The following CRTAC1 variants were observed in gnomAD, a reference collection of about 807,000 sequenced individuals.
The protein encoded by CRTAC1 is acidic secreted protein in cartilage.
In CRTAC1, 37 loss-of-function variants were observed where a neutral mutation model predicts 67.8. The ratio of observed to expected loss-of-function variants is 0.55; its 90% confidence interval spans 0.42 to 0.72. The LOEUF is 0.72. Ranked by LOEUF, CRTAC1 falls within the 30% of genes least tolerant of loss-of-function variation. CRTAC1 has a pLI of 0.00. For missense variants in CRTAC1, 780 were observed against 931.6 expected, an observed-to-expected ratio of 0.84 and a Z score of 2.12; for synonymous variants, 348 against 371.0, an observed-to-expected ratio of 0.94 and a Z score of 0.71.
At chr10:97,995,784 C>T (rs555048377) in intron 2 of CRTAC1, among the ~76,000 whole-genome samples, 16 of 152,160 alleles carry the variant, frequency 1.1e-4, no homozygotes, top group South Asian at 4.2e-4. Context: ...TACATTAAGC[C>T]GGGACACTTG....
chr10:97,996,145 G>A (rs1351012210), intron 2 of CRTAC1, among the ~76,000 whole-genome samples: 1 of 151,580 alleles, frequency 6.6e-6, no homozygotes, highest in Non-Finnish European at 1.5e-5. Context: ...AGAAAACCTA[G>A]GCATTACCAT....
intron 3 of CRTAC1, among the ~76,000 whole-genome samples, chr10:97,927,939 T>TAA (rs1413436680): frequency 6.6e-6 from 1 of 152,200 alleles, no homozygotes; most frequent in Non-Finnish European, 1.5e-5. Flanking sequence ...TGTAGCTGCA[T>TAA]AAAAGCTGCA....
At chr10:97,942,689 A>G (rs1198000435) in intron 2 of CRTAC1, among the ~76,000 whole-genome samples, 2 of 152,134 alleles carry the variant, frequency 1.3e-5, no homozygotes, top group Non-Finnish European at 2.9e-5. Flanking sequence ...TTTAGATTTG[A>G]AAGATACAGA....
intron 8 of CRTAC1, among the ~76,000 whole-genome samples, chr10:97,900,136 C>T (rs771501808): frequency 6.6e-5 from 10 of 152,210 alleles, no homozygotes; most frequent in East Asian, 5.8e-4. Flanking sequence ...GGTCTCTGGA[C>T]GTCCCCTTGG....
intron 1 of CRTAC1, among the ~76,000 whole-genome samples, chr10:98,028,057 G>T (rs1450440980): frequency 6.6e-6 from 1 of 152,220 alleles, no homozygotes; most frequent in Admixed American, 6.5e-5. Flanking sequence ...CTAATGTTCT[G>T]GAACTCCATG....
At position 97,884,219 on chromosome 10, in the gene CRTAC1, G is replaced by C. The variant is rs779755758; in HGVS notation, c.1619C>G (p.Pro540Arg). 4 of 1,568,946 alleles carry C rather than the reference G, an allele frequency of 2.5e-6. No individual in the cohort carries two copies. The highest frequency in any genetic ancestry group is 3.7e-5 in the Admixed American group (2 of 54,694). ...GCCTTTGCCCACCTCCAGTGGGGCT[G>C]GGTCCTGAAGTGTGTCCTCATCCCG... ...YPRDEDTLQD[P>R]APLECGQGFS... Residue 540 changes from proline (P) to arginine (R), a missense_variant, in exon 12 of 15, where the codon CCA becomes CGA. By Grantham distance (103) the Pro-to-Arg change is moderately radical. Transcript: ENST00000370597.
intron 2 of CRTAC1, among the ~76,000 whole-genome samples, chr10:97,971,932 A>G (rs535462546): frequency 1.3e-5 from 2 of 152,300 alleles, no homozygotes; most frequent in East Asian, 1.9e-4. Flanking sequence ...GGAGCTGGAC[A>G]TGGCGTGTCC....
chr10:97,889,904 G>A (rs1174960057), intron 11 of CRTAC1, among the ~76,000 whole-genome samples: 1 of 152,128 alleles, frequency 6.6e-6, no homozygotes, highest in South Asian at 2.1e-4. Flanking sequence ...GCCTTTCTCA[G>A]ATTCATGTTG....
At chr10:97,885,038 T>G (rs2050261845) in intron 11 of CRTAC1, among the ~76,000 whole-genome samples, 1 of 152,192 alleles carries the variant, frequency 6.6e-6, no homozygotes, top group Non-Finnish European at 1.5e-5. Context: ...GAGTTCCCAG[T>G]CCAGTTGGGG....
chr10:97,929,446 G>A (rs1590216333), intron 3 of CRTAC1, among the ~76,000 whole-genome samples: 1 of 152,192 alleles, frequency 6.6e-6, no homozygotes, highest in Non-Finnish European at 1.5e-5. Context: ...CTCCTCCCCA[G>A]GAGGCTTTCC....
chr10:97,966,998 C>A (rs949282546), intron 2 of CRTAC1, among the ~76,000 whole-genome samples: 5 of 149,786 alleles, frequency 3.3e-5, no homozygotes, highest in Admixed American at 6.7e-5. Flanking sequence ...AAGTCACCCC[C>A]CCCCCCCCGA....
At chr10:98,018,680 G>A (rs1389908441) in intron 1 of CRTAC1, among the ~76,000 whole-genome samples, 2 of 152,148 alleles carry the variant, frequency 1.3e-5, no homozygotes, top group Admixed American at 6.5e-5. Context: ...ATTATGGAAA[G>A]AGCCAAGGTC....
chr10:98,029,833 G>A lies in CRTAC1; in HGVS notation c.24+616C>T, dbSNP rs573976564. On this transcript the variant is annotated intron_variant, in intron 1 of 14. Transcript: ENST00000370597. The surrounding 1 kb of genome is among the most constrained non-coding windows in gnomAD (Gnocchi z 4.7). ...AATGCCTGAAGCCGGCTTGCCTCAG[G>A]CAGCCTGAAGGGAAGACCACACCTC... 1.3e-3 allele frequency among the ~76,000 whole-genome samples: 202 copies of A among 152,322 alleles called. 4 individuals carry two copies. The highest frequency in any genetic ancestry group is 4.5e-3 in the African/African-American group (189 of 41,584).
intron 2 of CRTAC1, among the ~76,000 whole-genome samples, chr10:98,003,997 T>G (rs1246934816): frequency 6.6e-6 from 1 of 152,190 alleles, no homozygotes. Context: ...TAGGTAACCT[T>G]TTTTAGAAAA....
At chr10:97,913,319 G>A (rs1479721716) in intron 5 of CRTAC1, among the ~76,000 whole-genome samples, 2 of 152,092 alleles carry the variant, frequency 1.3e-5, no homozygotes, top group East Asian at 3.9e-4. Context: ...ACTGTGTGGC[G>A]GGTATTAGAC....
At chr10:97,996,986 C>CA (rs1842587354) in intron 2 of CRTAC1, among the ~76,000 whole-genome samples, 1 of 146,056 alleles carries the variant, frequency 6.8e-6, no homozygotes, top group Non-Finnish European at 1.5e-5. Context: ...ATCGCAAGGA[C>CA]AAAAAACCAA....
intron 1 of CRTAC1, among the ~76,000 whole-genome samples, chr10:98,026,273 G>A (rs1398305616): frequency 2.0e-5 from 3 of 152,150 alleles, no homozygotes; most frequent in East Asian, 3.9e-4. Flanking sequence ...GCCAGCAAGC[G>A]GAGACCAGAT....
chr10:97,941,766 C>T (rs543919657), intron 2 of CRTAC1, among the ~76,000 whole-genome samples: 249 of 152,282 alleles, frequency 1.6e-3, no homozygotes, highest in Middle Eastern at 0.01. Context: ...CTCACTTGAC[C>T]GTCCCCTAAT....
At chr10:97,899,758 G>C (rs116680313) in intron 8 of CRTAC1, among the ~76,000 whole-genome samples, 2,787 of 152,300 alleles carry the variant, frequency 0.018, 80 homozygotes, top group African/African-American at 0.06. Flanking sequence ...GCCCTCCCGG[G>C]AGATGGGGTA....
Sources: gnomAD v4.1 joint callset for allele counts (sites outside exome capture counted in the v4.1 genomes callset) on GRCh38, gnomAD v4.1.1 for gene constraint, Gnocchi (gnomAD v3.1) non-coding constraint, MANE v1.5 for transcripts, NCBI Gene and HGNC (gene_info 2026-07-23, HGNC 2026-07-21) for gene names.